Variants in SOD2 observed in about 807,000 individuals in gnomAD.
SOD2 encodes superoxide dismutase 2.
In SOD2, 11 loss-of-function variants were observed where a neutral mutation model predicts 27.0. The observed-to-expected ratio is 0.41, with a 90% CI of 0.26 to 0.67. SOD2 has a LOEUF of 0.67. SOD2 is among the 30% of genes least tolerant of loss of function. The pLI is 0.34. For synonymous variants in SOD2, 105 were observed against 103.0 expected (o/e 1.02, Z -0.12); for missense variants, 250 against 274.5 (o/e 0.91, Z 0.63).
At chr6:159,711,830 G>A (rs878893592) in intron 1 of SOD2, among the ~76,000 whole-genome samples, 48 of 88,702 alleles carry the variant, frequency 5.4e-4, no homozygotes, top group South Asian at 1.2e-3. Context: ...CCACCACTCA[G>A]CTGCTCTGAC....
chr6:159,704,034 C>A (rs1048486560), intron 1 of SOD2, among the ~76,000 whole-genome samples: 1 of 152,230 alleles, frequency 6.6e-6, no homozygotes, highest in Middle Eastern at 3.4e-3. Flanking sequence ...GCCTGTAATC[C>A]CAGCACTTTG....
chr6:159,749,299 C>G, upstream of SOD2: 2 of 985,770 alleles, frequency 2.0e-6, no homozygotes, highest in African/African-American at 3.5e-5. Flanking sequence ...ATCCCCGTTC[C>G]ATTCAACAGG....
At chr6:159,698,219 G>A (rs1777460994), upstream of SOD2, among the ~76,000 whole-genome samples, 1 of 152,142 alleles carries the variant, frequency 6.6e-6, no homozygotes. Flanking sequence ...GCTGCAGTGA[G>A]CTGAGATCTC....
rs567684038 is a variant in SOD2 at position 159,679,131 on chromosome 6, A to C, written c.*3362T>G. ...TGCAGACCTCTTTGATGGTTGACAGATTCTTTTATTAACAGTCAAAAACTT... is the reference window on the plus strand; with the variant it reads ...TGCAGACCTCTTTGATGGTTGACAGCTTCTTTTATTAACAGTCAAAAACTT... On this transcript the variant is annotated 3_prime_UTR_variant, in exon 5 of 5. Coordinates refer to ENST00000538183, the MANE Select transcript of SOD2 (RefSeq NM_000636.4). 1.3e-5 allele frequency: 2 copies of C among 152,202 alleles called. No individual in the cohort carries two copies. The highest frequency in any genetic ancestry group is 2.9e-5 in the Non-Finnish European group (2 of 68,030). The allele number at this position is 152,202 out of a possible 1,614,324, so 9.4% of individuals were successfully genotyped here.
At chr6:159,739,861 A>G (rs1181752536) in intron 1 of SOD2, among the ~76,000 whole-genome samples, 3 of 114,454 alleles carry the variant, frequency 2.6e-5, no homozygotes, top group South Asian at 2.7e-4. Context: ...TTTTTTTGCC[A>G]TAATCTCATA....
Position 159,677,812 on chromosome 6 carries a change from G to C in SOD2, c.*4681C>G, listed in dbSNP as rs1013137381. ...ATGAGAAATATATAAAATACTATTT[G>C]TGATCATGTTATTTATAAGAAATAT... On this transcript the variant is annotated 3_prime_UTR_variant, in exon 5 of 5. Coordinates refer to ENST00000538183, the MANE Select transcript of SOD2 (RefSeq NM_000636.4). The C allele has an allele frequency of 2.0e-5, 3 of 152,178 alleles. No individual in the cohort carries two copies. The highest frequency in any genetic ancestry group is 2.0e-4 in the Admixed American group (3 of 15,278). 9.4% of individuals were successfully genotyped at this position (152,178 alleles called of 1,614,324 possible). A position where few individuals can be genotyped will look rare whatever the true frequency, so the allele number is the denominator to read the frequency against.
intron 1 of SOD2, among the ~76,000 whole-genome samples, chr6:159,720,873 T>TC: frequency 7.3e-6 from 1 of 137,656 alleles, no homozygotes; most frequent in African/African-American, 2.9e-5. Context: ...TTTTTTTTTT[T>TC]TGAGACAGTG....
At chr6:159,757,690 T>C (rs1316320335) in intron 1 of SOD2, among the ~76,000 whole-genome samples, 2 of 152,108 alleles carry the variant, frequency 1.3e-5, no homozygotes, top group East Asian at 1.9e-4. Context: ...GGATTACAGG[T>C]GTGAGCCACC....
At chr6:159,761,866 CCGCCCCGCGCCCCG>C (rs58958183) in exon 1 of SOD2, 3,182 of 262,822 alleles carry the variant, frequency 0.012, 108 homozygotes, top group African/African-American at 0.06. Flanking sequence ...GGCCTCACTT[CCGCCCCGCGCCCCG>C]CGCCCCGCGC....
intron 1 of SOD2, chr6:159,743,911 G>A (rs1382651932): frequency 9.0e-6 from 10 of 1,110,282 alleles, no homozygotes; most frequent in South Asian, 5.5e-5. Context: ...TTATAGGTAC[G>A]TATGCTTTGA....
chr6:159,727,848 C>G (rs866534852), upstream of SOD2: 1 of 522,634 alleles, frequency 1.9e-6, no homozygotes, highest in South Asian at 8.2e-5. Flanking sequence ...TCGTGAGCCG[C>G]TCTACCTTCC....
chr6:159,709,941 A>G (rs1777699348), intron 1 of SOD2, among the ~76,000 whole-genome samples: 3 of 152,112 alleles, frequency 2.0e-5, no homozygotes, highest in Non-Finnish European at 4.4e-5. Flanking sequence ...GCAGTCATAA[A>G]AAATGATGAG....
At chr6:159,737,606 C>T (rs1377620397) in intron 1 of SOD2, among the ~76,000 whole-genome samples, 1 of 152,028 alleles carries the variant, frequency 6.6e-6, no homozygotes, top group African/African-American at 2.4e-5. Flanking sequence ...ATCCTCCCAC[C>T]TTTGCCCCCC....
chr6:159,753,227 C>T (rs1287481098), intron 1 of SOD2: 3 of 518,610 alleles, frequency 5.8e-6, no homozygotes, highest in Non-Finnish European at 1.0e-5. Context: ...GTAATAGAAA[C>T]AAGGTGTAGC....
chr6:159,710,289 A>ATAT (rs1562436098), intron 1 of SOD2, among the ~76,000 whole-genome samples: 2 of 145,516 alleles, frequency 1.4e-5, no homozygotes, highest in Non-Finnish European at 3.0e-5. Flanking sequence ...ATATATATAT[A>ATAT]AAATACAAAA....
At chr6:159,712,007 A>G (rs879027559) in intron 1 of SOD2, among the ~76,000 whole-genome samples, 175 of 67,934 alleles carry the variant, frequency 2.6e-3, no homozygotes, top group Non-Finnish European at 3.7e-3. Context: ...CTCCATAACC[A>G]CCTCCATAAC....
upstream of SOD2, among the ~76,000 whole-genome samples, chr6:159,727,883 C>T (rs925692492): frequency 4.6e-5 from 7 of 152,348 alleles, no homozygotes; most frequent in South Asian, 4.1e-4. Flanking sequence ...ACTTCCGCCG[C>T]TTCGAGGCCA....
chr6:159,728,010 C>T (rs1028097258), upstream of SOD2, among the ~76,000 whole-genome samples: 2 of 152,380 alleles, frequency 1.3e-5, no homozygotes, highest in South Asian at 2.1e-4. Context: ...CGGCGGCGCT[C>T]GTTTTTTCCT....
Position 159,753,005 on chromosome 6 carries a change from T to A in SOD2, c.-335-4329A>T, listed in dbSNP as rs150034420. Reference sequence around the variant, plus strand: ...ATGTTTTTCTAGCAAGAATAAATACTCTCATTCATTTTTATTTGTAGGTAC... The same window carrying A: ...ATGTTTTTCTAGCAAGAATAAATACACTCATTCATTTTTATTTGTAGGTAC... On this transcript the variant is annotated intron_variant, in intron 1 of 7. Transcript: ENST00000546087. Among the ~76,000 whole-genome samples, 3 of 152,380 alleles carry A rather than the reference T, an allele frequency of 2.0e-5. No homozygotes were observed. In the East Asian group the frequency reaches 5.8e-4, roughly 29 times the overall value.
Sources: allele counts gnomAD v4.1 joint callset (sites outside exome capture counted in the v4.1 genomes callset), GRCh38; gene constraint gnomAD v4.1.1; transcripts MANE v1.5; gene names NCBI Gene and HGNC (gene_info 2026-07-23, HGNC 2026-07-21).